STRBP: variants seen among roughly 807,000 people sequenced by gnomAD.
The protein encoded by STRBP is spermatid perinuclear RNA binding protein.
In STRBP, 13 loss-of-function variants were observed where a neutral mutation model predicts 80.1. The observed-to-expected ratio is 0.16, with a 90% CI of 0.11 to 0.26. The LOEUF is 0.26. Ranked by LOEUF, STRBP falls within the 10% of genes least tolerant of loss-of-function variation. The probability of loss-of-function intolerance (pLI) is 1.00; values close to 1 mark genes in which losing one functional copy is unlikely to be tolerated. For synonymous variants in STRBP, 284 were observed against 291.2 expected, an observed-to-expected ratio of 0.98 and a Z score of 0.25; for missense variants, 485 against 815.2, an observed-to-expected ratio of 0.59 and a Z score of 4.93.
chr9:123,175,322 C>T (rs995805378), intron 4 of STRBP, among the ~76,000 whole-genome samples: 1 of 152,168 alleles, frequency 6.6e-6, no homozygotes, highest in African/African-American at 2.4e-5. Flanking sequence ...GAATCTTGAT[C>T]TACCTAGATG....
Position 123,122,735 on chromosome 9 carries a change from C to T in STRBP, c.*2862G>A. On this transcript the variant is annotated 3_prime_UTR_variant, in exon 19 of 19. Transcript: ENST00000348403. ...AGAGGATATGGCTTCAAGGAGGACC[C>T]CTATCTCTGAGAAATTATAGTAACG... 5 of 992,342 alleles carry T rather than the reference C, an allele frequency of 5.0e-6. No individual in the cohort carries two copies. The highest frequency in any genetic ancestry group is 6.0e-6 in the Non-Finnish European group (5 of 834,494). The allele number at this position is 992,342 out of a possible 1,614,324, so 61.5% of individuals were successfully genotyped here. A position where few individuals can be genotyped will look rare whatever the true frequency, so the allele number is the denominator to read the frequency against.
At chr9:123,262,763 C>T (rs1286521945) in intron 1 of STRBP, among the ~76,000 whole-genome samples, 1 of 152,180 alleles carries the variant, frequency 6.6e-6, no homozygotes, top group Non-Finnish European at 1.5e-5. Context: ...CACTATACTT[C>T]TCAAATAGGA....
intron 11 of STRBP, among the ~76,000 whole-genome samples, chr9:123,154,442 CAG>C (rs2037192450): frequency 6.6e-6 from 1 of 152,094 alleles, no homozygotes; most frequent in South Asian, 2.1e-4. Flanking sequence ...AAATGATTTT[CAG>C]AAAGTCAGAA....
At position 123,124,034 on chromosome 9, in the gene STRBP, G is replaced by T; in HGVS notation, c.*1563C>A. ...AATAAAGACAAAAGACCAAGGAGAA[G>T]AAACAAACTAATCATTGTGTAATAT... is the stretch of plus-strand genomic sequence containing the variant. On this transcript the variant is annotated 3_prime_UTR_variant, in exon 19 of 19. Coordinates refer to ENST00000348403, the MANE Select transcript of STRBP (RefSeq NM_018387.5). 1 of 985,394 alleles carries T rather than the reference G, an allele frequency of 1.0e-6. No homozygotes were observed. The allele number at this position is 985,394 out of a possible 1,614,324, so 61.0% of individuals were successfully genotyped here. A position where few individuals can be genotyped will look rare whatever the true frequency, so the allele number is the denominator to read the frequency against.
intron 1 of STRBP, among the ~76,000 whole-genome samples, chr9:123,249,344 A>C (rs548937010): frequency 2.6e-5 from 4 of 152,118 alleles, no homozygotes; most frequent in Non-Finnish European, 4.4e-5. Flanking sequence ...ATGCCACTGC[A>C]CTCCAGCCTG....
Position 123,197,667 on chromosome 9 carries a change from CT to C in STRBP, c.-164-13370del, listed in dbSNP as rs71388358. 4.5e-3 allele frequency among the ~76,000 whole-genome samples: 391 copies of C among 87,362 alleles called. 1 individual carries two copies. The highest frequency in any genetic ancestry group is 0.015 in the Middle Eastern group (1 of 66). 57.3% of individuals were successfully genotyped at this position (87,362 alleles called of 152,430 possible). A position where few individuals can be genotyped will look rare whatever the true frequency, so the allele number is the denominator to read the frequency against. On this transcript the variant is annotated intron_variant, in intron 2 of 18. Coordinates refer to ENST00000348403, the MANE Select transcript of STRBP (RefSeq NM_018387.5). ...ATACAAGTTGCTGTGAAACATATTT[CT>C]TTTTTTTTTTTTTTTTTTTTTTTTG...
At chr9:123,188,873 A>G (rs2038807054) in intron 2 of STRBP, among the ~76,000 whole-genome samples, 1 of 152,204 alleles carries the variant, frequency 6.6e-6, no homozygotes, top group African/African-American at 2.4e-5. Flanking sequence ...TAATACTAAT[A>G]TAAGCCACCT....
intron 2 of STRBP, among the ~76,000 whole-genome samples, chr9:123,208,402 G>A (rs970724621): frequency 1.1e-4 from 16 of 152,126 alleles, no homozygotes; most frequent in African/African-American, 3.9e-4. Context: ...GATTTCATCA[G>A]GATTTGCTTA....
downstream of STRBP, among the ~76,000 whole-genome samples, chr9:123,119,262 G>A (rs803732): frequency 0.58 from 88,272 of 151,972 alleles, 32,051 homozygotes; most frequent in Non-Finnish European, 0.81. Context: ...GTTAGATTCC[G>A]GAGGCAGTTG....
intron 2 of STRBP, among the ~76,000 whole-genome samples, chr9:123,188,978 A>G (rs2038811258): frequency 6.6e-6 from 1 of 152,202 alleles, no homozygotes; most frequent in African/African-American, 2.4e-5. Flanking sequence ...AAAATTAGAA[A>G]AAGACACCTC....
At chr9:123,166,754 GCAACAACAA>G (rs72023338) in intron 6 of STRBP, among the ~76,000 whole-genome samples, 101,677 of 147,142 alleles carry the variant, frequency 0.69, 39,263 homozygotes, top group Non-Finnish European at 0.88. Context: ...ACTGTCTCCA[GCAACAACAA>G]CAACAACAAC....
intron 2 of STRBP, among the ~76,000 whole-genome samples, chr9:123,197,306 A>T (rs1210536869): frequency 2.0e-5 from 3 of 152,220 alleles, no homozygotes; most frequent in Non-Finnish European, 4.4e-5. Context: ...GAAGGAAAAC[A>T]ATCTAGTATT....
At chr9:123,267,314 C>T (rs1401170661) in intron 1 of STRBP, among the ~76,000 whole-genome samples, 1 of 151,834 alleles carries the variant, frequency 6.6e-6, no homozygotes, top group East Asian at 1.9e-4. Context: ...CGCACTTCTC[C>T]CGCTATCCTT....
intron 2 of STRBP, among the ~76,000 whole-genome samples, chr9:123,185,875 CA>C (rs1213046548): frequency 3.3e-5 from 5 of 151,618 alleles, no homozygotes; most frequent in Non-Finnish European, 5.9e-5. Context: ...ACTAAAAATG[CA>C]AAAAAATTAG....
chr9:123,229,986 G>T (rs1316666345), intron 2 of STRBP, among the ~76,000 whole-genome samples: 1 of 152,202 alleles, frequency 6.6e-6, no homozygotes, highest in Non-Finnish European at 1.5e-5. Flanking sequence ...GTGCAGATTA[G>T]GAGGAGAGTC....
At chr9:123,208,261 A>G (rs941567102) in intron 2 of STRBP, among the ~76,000 whole-genome samples, 1 of 152,198 alleles carries the variant, frequency 6.6e-6, no homozygotes, top group Non-Finnish European at 1.5e-5. Flanking sequence ...AAAGAAGGTA[A>G]TACTGCCCCA....
chr9:123,136,105 G>A lies in STRBP; in HGVS notation c.1709C>T (p.Ala570Val), dbSNP rs2036344130. 1.2e-6 allele frequency: 2 copies of A among 1,613,984 alleles called. No individual in the cohort carries two copies. The highest frequency in any genetic ancestry group is 1.1e-5 in the South Asian group (1 of 91,068). ...KVAKASAALA[A>V]LEKLFSGPNA... ...GGGTCCAGAAAACAGTTTCTCCAAGGCAGCTAAAGCTGCACTCGCCTTTGC... is the reference window on the plus strand; with the variant it reads ...GGGTCCAGAAAACAGTTTCTCCAAGACAGCTAAAGCTGCACTCGCCTTTGC... Residue 570 changes from alanine to valine, a missense_variant, in exon 16 of 19, where the codon GCC becomes GTC. Physicochemically the swap from Ala to Val is moderately conservative, Grantham distance 64. Around this residue, in one of 3 missense-constraint regions of STRBP, gnomAD observed 23 missense variants for 79.0 expected, o/e 0.29. Transcript: ENST00000348403. The surrounding 1 kb of genome is among the most constrained non-coding windows in gnomAD (Gnocchi z 4.2).
chr9:123,109,614 A>G (rs2035531436), exon 4 of STRBP: 1 of 152,270 alleles, frequency 6.6e-6, no homozygotes, highest in Non-Finnish European at 1.5e-5. Context: ...GCAGAGTCCA[A>G]CATACTCAGT....
intron 4 of STRBP, among the ~76,000 whole-genome samples, chr9:123,176,816 T>C (rs975530750): frequency 6.6e-6 from 1 of 152,224 alleles, no homozygotes; most frequent in East Asian, 1.9e-4. Context: ...AGCAACCCAA[T>C]GTATTTGAAT....
Sources: gnomAD v4.1 joint callset for allele counts (sites outside exome capture counted in the v4.1 genomes callset) on GRCh38, gnomAD v4.1.1 for gene constraint, gnomAD v4.1.1 regional missense constraint, Gnocchi (gnomAD v3.1) non-coding constraint, MANE v1.5 for transcripts, NCBI Gene and HGNC (gene_info 2026-07-23, HGNC 2026-07-21) for gene names.